Variants in ZNF469 observed in about 807,000 individuals in gnomAD.
ZNF469 encodes the protein zinc finger protein 469.
Under a neutral mutation model 1.0 loss-of-function variants are expected in ZNF469, and 1 was observed. The ratio of observed to expected loss-of-function variants is 1.00; its 90% CI spans 0.35 to 4.73. The LOEUF is 4.73. Ranked by LOEUF, ZNF469 falls within the 30% of genes most tolerant of loss-of-function variation. The probability of loss-of-function intolerance (pLI) is 0.16; values close to 1 mark genes in which losing one functional copy is unlikely to be tolerated. For missense variants in ZNF469, 6,100 were observed against 5,356.3 expected (o/e 1.14, Z -4.33); for synonymous variants, 2,703 against 2,363.4 (o/e 1.14, Z -4.17).
the ZNF469 span, among the ~76,000 whole-genome samples, chr16:88,304,523 G>A: frequency 4.6e-5 from 7 of 152,126 alleles, no homozygotes; most frequent in African/African-American, 9.7e-5. Context: ...CCAGTCGCCC[G>A]GTGAGCAAGG....
At chr16:88,210,228 C>G in the ZNF469 span, among the ~76,000 whole-genome samples, 2 of 151,878 alleles carry the variant, frequency 1.3e-5, no homozygotes, top group African/African-American at 4.8e-5. Context: ...GTTCATTTTC[C>G]TATTGGGTCT....
At chr16:88,348,322 C>T in the ZNF469 span, among the ~76,000 whole-genome samples, 3 of 152,172 alleles carry the variant, frequency 2.0e-5, no homozygotes, top group African/African-American at 4.8e-5. Flanking sequence ...CTCCCCTGTG[C>T]GTGCCTCTCG....
chr16:88,254,076 A>C, the ZNF469 span, among the ~76,000 whole-genome samples: 3 of 152,126 alleles, frequency 2.0e-5, no homozygotes, highest in African/African-American at 7.2e-5. Flanking sequence ...CTGTCTGATA[A>C]ATACTTGCCT....
At chr16:88,148,714 A>C in the ZNF469 span, among the ~76,000 whole-genome samples, 151 of 152,210 alleles carry the variant, frequency 9.9e-4, 1 homozygote, top group African/African-American at 3.6e-3. Flanking sequence ...GGCGTCTGCC[A>C]CCACCCTGCC....
the ZNF469 span, among the ~76,000 whole-genome samples, chr16:88,152,203 T>C: frequency 6.6e-6 from 1 of 152,214 alleles, no homozygotes; most frequent in African/African-American, 2.4e-5. The surrounding 1 kb of genome is among the most constrained non-coding windows in gnomAD (Gnocchi z 4.2). Flanking sequence ...TTTAAATGTG[T>C]TGAAAAAATC....
the ZNF469 span, among the ~76,000 whole-genome samples, chr16:88,305,836 C>G: frequency 1.3e-5 from 2 of 152,158 alleles, no homozygotes; most frequent in East Asian, 1.9e-4. Flanking sequence ...CATGCACATG[C>G]CCAGACACAG....
the ZNF469 span, among the ~76,000 whole-genome samples, chr16:88,321,955 G>A: frequency 6.6e-6 from 1 of 152,188 alleles, no homozygotes; most frequent in Admixed American, 6.5e-5. Flanking sequence ...ATGCTGCACC[G>A]CTTCTGACAT....
At chr16:88,376,890 G>A in the ZNF469 span, among the ~76,000 whole-genome samples, 4 of 152,110 alleles carry the variant, frequency 2.6e-5, no homozygotes, top group Admixed American at 6.5e-5. Flanking sequence ...CAGCCCAGAC[G>A]CCAGGCCTCC....
the ZNF469 span, among the ~76,000 whole-genome samples, chr16:88,184,735 G>A: frequency 6.6e-6 from 1 of 152,096 alleles, no homozygotes; most frequent in Non-Finnish European, 1.5e-5. Flanking sequence ...TTGCTCCAGC[G>A]TGTTGGGACG....
chr16:88,146,344 C>A, the ZNF469 span, among the ~76,000 whole-genome samples: 1 of 152,164 alleles, frequency 6.6e-6, no homozygotes, highest in Non-Finnish European at 1.5e-5. Flanking sequence ...TGTCTTTGTG[C>A]CTGCTCCATT....
chr16:88,401,456 T>C (rs1288297982), intron 1 of ZNF469, among the ~76,000 whole-genome samples: 12 of 149,262 alleles, frequency 8.0e-5, no homozygotes, highest in Non-Finnish European at 1.8e-4. Context: ...AATGGATGGA[T>C]AGGTGGGTGG....
the ZNF469 span, among the ~76,000 whole-genome samples, chr16:88,360,656 T>C: frequency 8.9e-6 from 1 of 112,192 alleles, no homozygotes; most frequent in Admixed American, 1.0e-4. Context: ...GCCCGCGTGC[T>C]CCCTCAAAGG....
the ZNF469 span, among the ~76,000 whole-genome samples, chr16:88,210,016 G>A: frequency 1.3e-5 from 2 of 152,184 alleles, no homozygotes; most frequent in African/African-American, 4.8e-5. Flanking sequence ...AGCAAAGTAA[G>A]GAAAGGCCCA....
chr16:88,332,463 G>T, the ZNF469 span, among the ~76,000 whole-genome samples: 9 of 152,230 alleles, frequency 5.9e-5, no homozygotes, highest in African/African-American at 2.2e-4. Context: ...CTTGGGCACA[G>T]CCTTGCCGCT....
At chr16:88,249,722 C>T in the ZNF469 span, among the ~76,000 whole-genome samples, 1 of 152,184 alleles carries the variant, frequency 6.6e-6, no homozygotes, top group African/African-American at 2.4e-5. Flanking sequence ...AGGCGTGAGC[C>T]ACCACGCCCG....
At chr16:88,149,721 T>G in the ZNF469 span, among the ~76,000 whole-genome samples, 11 of 152,184 alleles carry the variant, frequency 7.2e-5, no homozygotes, top group African/African-American at 2.7e-4. Flanking sequence ...GCCAGGGCAT[T>G]GGGCCTCAGC....
At chr16:88,402,930 A>T (rs12103059) in intron 1 of ZNF469, among the ~76,000 whole-genome samples, 2 of 151,800 alleles carry the variant, frequency 1.3e-5, no homozygotes, top group Non-Finnish European at 2.9e-5. Flanking sequence ...GAGAACCCCC[A>T]CGCCGGGAAC....
the ZNF469 span, among the ~76,000 whole-genome samples, chr16:88,277,520 G>C: frequency 4.4e-5 from 1 of 22,946 alleles, no homozygotes; most frequent in African/African-American, 2.4e-4. Flanking sequence ...GTAGATATCA[G>C]TGCACGGTTA....
chr16:88,224,802 CAT>C, the ZNF469 span, among the ~76,000 whole-genome samples: 5 of 152,236 alleles, frequency 3.3e-5, no homozygotes, highest in Non-Finnish European at 7.3e-5. Context: ...TGTGCACACA[CAT>C]GTGCCCTGGG....
Sources: gnomAD v4.1 joint callset for allele counts (sites outside exome capture counted in the v4.1 genomes callset) on GRCh38, gnomAD v4.1.1 for gene constraint, Gnocchi (gnomAD v3.1) non-coding constraint, MANE v1.5 for transcripts, NCBI Gene and HGNC (gene_info 2026-07-23, HGNC 2026-07-21) for gene names.